FBXL17: variants seen among roughly 807,000 people sequenced by gnomAD.
FBXL17 encodes F-box and leucine rich repeat protein 17.
In FBXL17, 22 loss-of-function variants were observed where a neutral mutation model predicts 66.2. The ratio of observed to expected loss-of-function variants is 0.33; its 90% confidence interval spans 0.24 to 0.47. The LOEUF (loss-of-function observed/expected upper bound fraction) is 0.47. FBXL17 is among the 20% of genes least tolerant of loss of function. The pLI is 1.00. For synonymous variants in FBXL17, 474 were observed against 400.5 expected (o/e 1.18, Z -2.19); for missense variants, 878 against 948.2 (o/e 0.93, Z 0.97).
chr5:107,934,172 G>T (rs1314700415), intron 7 of FBXL17, among the ~76,000 whole-genome samples: 1 of 152,014 alleles, frequency 6.6e-6, no homozygotes, highest in African/African-American at 2.4e-5. Context: ...TCTAGGCTTT[G>T]GGAAAGAAAT....
intron 7 of FBXL17, among the ~76,000 whole-genome samples, chr5:107,933,091 G>A (rs1446893932): frequency 6.6e-6 from 1 of 152,098 alleles, no homozygotes; most frequent in East Asian, 1.9e-4. Context: ...AAAGTTCCAG[G>A]TTTCTTATTT....
intron 6 of FBXL17, among the ~76,000 whole-genome samples, chr5:108,100,221 T>C (rs1187483928): frequency 3.9e-5 from 6 of 152,188 alleles, no homozygotes; most frequent in Non-Finnish European, 1.5e-5. Context: ...CTTAGATCTT[T>C]GGACTCTGTT....
intron 7 of FBXL17, among the ~76,000 whole-genome samples, chr5:107,906,301 T>C (rs1749756674): frequency 1.3e-5 from 2 of 152,174 alleles, no homozygotes; most frequent in Admixed American, 1.3e-4. Context: ...AAGCTTCATA[T>C]ACTAATGCTT....
intron 7 of FBXL17, among the ~76,000 whole-genome samples, chr5:108,016,307 A>C (rs1754383709): frequency 6.6e-6 from 1 of 152,188 alleles, no homozygotes. Context: ...TGTGGAAACC[A>C]CACAGAAGGA....
chr5:108,318,678 T>C (rs187978735), intron 4 of FBXL17, among the ~76,000 whole-genome samples: 1 of 152,018 alleles, frequency 6.6e-6, no homozygotes, highest in East Asian at 1.9e-4. Flanking sequence ...AAAACTAGCC[T>C]AATTTTACAG....
intron 6 of FBXL17, among the ~76,000 whole-genome samples, chr5:108,085,650 T>C (rs570781463): frequency 6.6e-6 from 1 of 152,016 alleles, no homozygotes; most frequent in East Asian, 1.9e-4. Flanking sequence ...AACAGAACAC[T>C]GGGGCTAGGT....
chr5:107,971,916 T>C (rs777366822), intron 7 of FBXL17, among the ~76,000 whole-genome samples: 1 of 152,228 alleles, frequency 6.6e-6, no homozygotes, highest in Non-Finnish European at 1.5e-5. Flanking sequence ...TCTAAGCTCC[T>C]GCTCATACCT....
intron 7 of FBXL17, among the ~76,000 whole-genome samples, chr5:107,935,858 C>T (rs1375255724): frequency 6.6e-6 from 1 of 152,070 alleles, no homozygotes; most frequent in African/African-American, 2.4e-5. Context: ...CCATAGCAAC[C>T]TGAAAGGGTG....
At chr5:108,266,584 A>G (rs909927097) in intron 4 of FBXL17, among the ~76,000 whole-genome samples, 17 of 152,140 alleles carry the variant, frequency 1.1e-4, no homozygotes, top group African/African-American at 4.1e-4. Context: ...GGTAATTCAC[A>G]TATGCCACAA....
At chr5:108,237,789 G>A (rs1196555690) in intron 4 of FBXL17, among the ~76,000 whole-genome samples, 2 of 152,092 alleles carry the variant, frequency 1.3e-5, no homozygotes, top group Non-Finnish European at 2.9e-5. Context: ...ACACCCCAGG[G>A]CACCTTAGTT....
chr5:108,317,111 G>T (rs1759401038), intron 4 of FBXL17, among the ~76,000 whole-genome samples: 1 of 151,120 alleles, frequency 6.6e-6, no homozygotes, highest in Non-Finnish European at 1.5e-5. Context: ...AAGGAGAAGA[G>T]ATGCAAAGCT....
At chr5:108,188,126 C>G (rs1753313326) in intron 5 of FBXL17, among the ~76,000 whole-genome samples, 1 of 151,982 alleles carries the variant, frequency 6.6e-6, no homozygotes, top group African/African-American at 2.4e-5. Flanking sequence ...AAAGAATGGT[C>G]ATTGGGAGGG....
At chr5:108,122,224 T>C (rs1296848878) in intron 6 of FBXL17, among the ~76,000 whole-genome samples, 1 of 152,100 alleles carries the variant, frequency 6.6e-6, no homozygotes, top group Non-Finnish European at 1.5e-5. Context: ...ACAAAAATCC[T>C]ACAAAGTAGA....
intron 7 of FBXL17, among the ~76,000 whole-genome samples, chr5:107,970,405 C>T (rs1752324736): frequency 6.6e-6 from 1 of 152,130 alleles, no homozygotes; most frequent in Admixed American, 6.6e-5. Flanking sequence ...AAAAATATTT[C>T]AGAAAAAGGA....
chr5:108,013,129 T>G (rs945635857), intron 7 of FBXL17, among the ~76,000 whole-genome samples: 1 of 152,012 alleles, frequency 6.6e-6, no homozygotes, highest in African/African-American at 2.4e-5. Flanking sequence ...TCTTTATTAT[T>G]ATTGTTACGA....
chr5:107,919,432 A>C (rs1750239281), intron 7 of FBXL17, among the ~76,000 whole-genome samples: 1 of 152,194 alleles, frequency 6.6e-6, no homozygotes, highest in Admixed American at 6.5e-5. Context: ...GAACAGCCAA[A>C]GTGATCCTCT....
chr5:108,225,465 T>A (rs957482870), intron 4 of FBXL17, among the ~76,000 whole-genome samples: 12 of 152,114 alleles, frequency 7.9e-5, no homozygotes, highest in Non-Finnish European at 1.2e-4. Flanking sequence ...CAATTCAATA[T>A]AACTGGCGGA....
chr5:108,033,776 G>C (rs905582754), intron 6 of FBXL17, among the ~76,000 whole-genome samples: 2 of 152,148 alleles, frequency 1.3e-5, no homozygotes, highest in South Asian at 2.1e-4. Flanking sequence ...ATGTTATCAG[G>C]CTTTCAAATT....
chr5:108,016,651 G>C (rs892335758), intron 7 of FBXL17, among the ~76,000 whole-genome samples: 1 of 152,084 alleles, frequency 6.6e-6, no homozygotes, highest in African/African-American at 2.4e-5. Flanking sequence ...AGTGCTGTGC[G>C]GCCCAAGAGA....
Sources: gnomAD v4.1 joint callset for allele counts (sites outside exome capture counted in the v4.1 genomes callset) on GRCh38, gnomAD v4.1.1 for gene constraint, MANE v1.5 for transcripts, NCBI Gene and HGNC (gene_info 2026-07-23, HGNC 2026-07-21) for gene names.